The following TEX26 variants were observed in gnomAD, a reference collection of about 807,000 sequenced individuals.
The protein encoded by TEX26 is testis-expressed protein 26.
Under a neutral mutation model 35.3 loss-of-function variants are expected in TEX26, and 34 were observed. The ratio of observed to expected loss-of-function variants is 0.96; its 90% CI spans 0.73 to 1.28. The LOEUF (loss-of-function observed/expected upper bound fraction) is 1.28. Ranked by LOEUF, TEX26 falls within the 50% of genes most tolerant of loss-of-function variation. The pLI, the probability that TEX26 is intolerant of heterozygous loss-of-function variation, is 0.00. For synonymous variants in TEX26, 136 were observed against 111.8 expected, an observed-to-expected ratio of 1.22 and a Z score of -1.36; for missense variants, 371 against 330.1, an observed-to-expected ratio of 1.12 and a Z score of -0.96.
At chr13:30,950,674 C>T (rs374241204) in intron 2 of TEX26, among the ~76,000 whole-genome samples, 1 of 152,150 alleles carries the variant, frequency 6.6e-6, no homozygotes, top group African/African-American at 2.4e-5. Flanking sequence ...TTCAGAGCCT[C>T]CCCACACATA....
chr13:30,960,907 A>G (rs1033238019), intron 4 of TEX26, among the ~76,000 whole-genome samples: 3 of 152,240 alleles, frequency 2.0e-5, no homozygotes, highest in Admixed American at 1.3e-4. Context: ...ACAAAATATT[A>G]AACTCCAAGG....
intron 4 of TEX26, among the ~76,000 whole-genome samples, chr13:30,957,646 G>A (rs1259689206): frequency 2.6e-5 from 4 of 152,194 alleles, no homozygotes; most frequent in African/African-American, 9.7e-5. Context: ...GCAGAGAGGA[G>A]TGAGGTGGCT....
chr13:30,961,630 AG>A (rs1366708659), intron 4 of TEX26, among the ~76,000 whole-genome samples: 3 of 152,180 alleles, frequency 2.0e-5, no homozygotes, highest in African/African-American at 7.2e-5. Context: ...CAATCCATTG[AG>A]TTTAATGGGA....
chr13:30,968,858 C>T (rs1019625934), intron 5 of TEX26, 27 bp from the exon 6 acceptor site: 1 of 1,601,136 alleles, frequency 6.2e-7, no homozygotes, highest in Non-Finnish European at 8.5e-7. Flanking sequence ...AGCCTTCCGA[C>T]CTCTCCTCCC....
In TEX26 at chr13:30,968,867, C is replaced by A; in HGVS notation, c.647-18C>A. 1 of 1,610,222 alleles carries A rather than the reference C, an allele frequency of 6.2e-7. No homozygotes were observed. The highest frequency in any genetic ancestry group is 8.5e-7 in the Non-Finnish European group (1 of 1,178,306). On this transcript the variant is annotated intron_variant, in intron 5 of 6. Transcript: ENST00000380473. ...GGTGCCAGCCTTCCGACCTCTCCTCCCCTGTGTATTTCTATAGTGCCTTCT... is the reference window on the plus strand; with the variant it reads ...GGTGCCAGCCTTCCGACCTCTCCTCACCTGTGTATTTCTATAGTGCCTTCT...
intron 2 of TEX26, among the ~76,000 whole-genome samples, chr13:30,949,804 G>A (rs992075314): frequency 3.4e-4 from 52 of 151,916 alleles, no homozygotes; most frequent in African/African-American, 1.1e-3. Context: ...TACCAATCAC[G>A]TATAAAAACA....
At chr13:30,933,004 C>T (rs945669433) in intron 1 of TEX26, 1 of 463,256 alleles carries the variant, frequency 2.2e-6, no homozygotes, top group Admixed American at 3.3e-5. Context: ...CCCTAAAACG[C>T]GCAGGGTTTT....
chr13:30,956,152 C>T (rs1483867966), intron 3 of TEX26, among the ~76,000 whole-genome samples: 5 of 146,210 alleles, frequency 3.4e-5, no homozygotes, highest in East Asian at 2.0e-4. Context: ...TATCCTAATG[C>T]TATCCCTCCC....
At chr13:30,968,583 T>C (rs574392616) in intron 5 of TEX26, among the ~76,000 whole-genome samples, 1 of 152,300 alleles carries the variant, frequency 6.6e-6, no homozygotes, top group East Asian at 1.9e-4. Flanking sequence ...CTGACCTGCA[T>C]AAGAGTCAAG....
chr13:30,933,177 A>G (rs2138143904), intron 1 of TEX26: 1 of 159,098 alleles, frequency 6.3e-6, no homozygotes, highest in East Asian at 1.8e-4. Context: ...AGGATCTTGG[A>G]AACAGCAAGG....
At chr13:30,940,482 C>T (rs752756290) in intron 2 of TEX26, among the ~76,000 whole-genome samples, 34 of 151,534 alleles carry the variant, frequency 2.2e-4, no homozygotes, top group African/African-American at 7.3e-4. Context: ...TACAGGCGCC[C>T]GCCACCACAC....
At position 30,966,354 on chromosome 13, in the gene TEX26, A is replaced by T. The variant is rs1954527073; in HGVS notation, c.602A>T (p.Lys201Ile). 1 of 1,614,098 alleles carries T rather than the reference A, an allele frequency of 6.2e-7. No individual in the cohort carries two copies. The highest frequency in any genetic ancestry group is 8.5e-7 in the Non-Finnish European group (1 of 1,179,990). The change falls in exon 5 of 7, where the codon AAA (lysine) becomes ATA (isoleucine). Residue 201 changes from lysine to isoleucine, a missense_variant. Lys to Ile is a moderately radical substitution (Grantham distance 102). Coordinates refer to ENST00000380473, the MANE Select transcript of TEX26 (RefSeq NM_152325.3). ...CCTGAGCTTCAAGATTTCAGTTTCA[A>T]ATATGGATGCTACTCAAGCTTGCCT... Reference protein sequence around the residue: ...KIPELQDFSFKYGCYSSLPVA... With the variant: ...KIPELQDFSFIYGCYSSLPVA...
chr13:30,963,626 T>G (rs1489138167), intron 4 of TEX26, among the ~76,000 whole-genome samples: 1 of 152,192 alleles, frequency 6.6e-6, no homozygotes, highest in East Asian at 1.9e-4. Flanking sequence ...GTTTCCAGGT[T>G]TTTTGGTGTG....
chr13:30,954,007 A>G (rs1316336465), intron 3 of TEX26, among the ~76,000 whole-genome samples: 1 of 152,174 alleles, frequency 6.6e-6, no homozygotes, highest in Non-Finnish European at 1.5e-5. Flanking sequence ...GATTCTGTTT[A>G]CTCAGCTGGA....
intron 1 of TEX26, among the ~76,000 whole-genome samples, chr13:30,934,847 C>T (rs1953210639): frequency 6.6e-6 from 1 of 152,220 alleles, no homozygotes; most frequent in Non-Finnish European, 1.5e-5. Flanking sequence ...CAAACTGCGG[C>T]TGTGGGTCTG....
intron 2 of TEX26, among the ~76,000 whole-genome samples, chr13:30,949,281 A>G (rs962414250): frequency 1.3e-5 from 2 of 152,186 alleles, no homozygotes; most frequent in South Asian, 2.1e-4. Context: ...AAGCCAAAAT[A>G]CAGACTTTTT....
intron 6 of TEX26, among the ~76,000 whole-genome samples, chr13:30,970,624 G>A (rs57510011): frequency 0.11 from 16,843 of 152,188 alleles, 3,098 homozygotes; most frequent in African/African-American, 0.39. Context: ...TGTAGAAAGA[G>A]GATTTTTGTC....
At chr13:30,957,742 G>A (rs1297188092) in intron 4 of TEX26, among the ~76,000 whole-genome samples, 1 of 152,224 alleles carries the variant, frequency 6.6e-6, no homozygotes, top group Non-Finnish European at 1.5e-5. Flanking sequence ...GCCCCTTCCA[G>A]GGTAGGGGCT....
In TEX26 at chr13:30,970,154, G is replaced by A. The variant is rs183561552; in HGVS notation, c.808+1108G>A. On this transcript the variant is annotated intron_variant, in intron 6 of 6. Coordinates refer to ENST00000380473, the MANE Select transcript of TEX26 (RefSeq NM_152325.3). ...ACCTACTGTAGTCAAGGCTGACAGG[G>A]AAGGGTGTGTGTGAGTGTGTGTGTG... Among the ~76,000 whole-genome samples, 67 of 143,270 alleles carry A rather than the reference G, an allele frequency of 4.7e-4. 1 individual carries two copies. The East Asian group carries it at 0.012, about 26-fold the overall frequency. 94.0% of individuals were successfully genotyped at this position (143,270 alleles called of 152,430 possible).
Sources: allele counts gnomAD v4.1 joint callset (sites outside exome capture counted in the v4.1 genomes callset), GRCh38; gene constraint gnomAD v4.1.1; transcripts MANE v1.5; gene names NCBI Gene and HGNC (gene_info 2026-07-23, HGNC 2026-07-21).